The following PDE1C variants were observed in gnomAD, a reference collection of about 807,000 sequenced individuals.
PDE1C encodes phosphodiesterase 1C.
In PDE1C, 62 loss-of-function variants were observed where a neutral mutation model predicts 93.1. That is an observed-to-expected ratio of 0.67 (90% CI 0.54 to 0.82). The LOEUF (loss-of-function observed/expected upper bound fraction) is 0.82. Ranked by LOEUF, PDE1C falls within the 40% of genes least tolerant of loss-of-function variation. The pLI is 0.00. For synonymous variants in PDE1C, 325 were observed against 310.1 expected, an observed-to-expected ratio of 1.05 and a Z score of -0.50; for missense variants, 742 against 884.6, an observed-to-expected ratio of 0.84 and a Z score of 2.04.
chr7:31,794,085 C>T (rs71532997), intron 16 of PDE1C, among the ~76,000 whole-genome samples: 34,705 of 132,110 alleles, frequency 0.26, 4,842 homozygotes, highest in South Asian at 0.38. Context: ...GACAGACAGA[C>T]AGACAGATAG....
chr7:31,694,480 G>T, the PDE1C span, among the ~76,000 whole-genome samples: 64 of 151,792 alleles, frequency 4.2e-4, no homozygotes, highest in African/African-American at 1.4e-3. Flanking sequence ...AGAAATGAAG[G>T]TGCAAGTTCT....
chr7:32,025,650 C>T (rs6942918), intron 2 of PDE1C, among the ~76,000 whole-genome samples: 4,808 of 152,156 alleles, frequency 0.032, 262 homozygotes, highest in African/African-American at 0.11. Context: ...CTAGGTTTGC[C>T]ATGGTCAGGA....
intron 2 of PDE1C, among the ~76,000 whole-genome samples, chr7:32,015,532 C>T (rs1348023742): frequency 6.6e-6 from 1 of 151,934 alleles, no homozygotes; most frequent in Non-Finnish European, 1.5e-5. Context: ...CTGCCCCCCA[C>T]CCCACCCACC....
intron 1 of PDE1C, among the ~76,000 whole-genome samples, chr7:32,410,205 C>T (rs919876560): frequency 3.9e-5 from 6 of 152,108 alleles, no homozygotes; most frequent in South Asian, 2.1e-4. Flanking sequence ...TGGTGACACA[C>T]ACCTGTAGTC....
chr7:32,231,057 T>A (rs1003711405), intron 1 of PDE1C, among the ~76,000 whole-genome samples: 1 of 152,166 alleles, frequency 6.6e-6, no homozygotes, highest in Non-Finnish European at 1.5e-5. Flanking sequence ...CTGGGAAAAT[T>A]TAACCTTTTC....
intron 3 of PDE1C, among the ~76,000 whole-genome samples, chr7:32,094,043 C>T (rs181375592): frequency 2.0e-5 from 3 of 152,238 alleles, no homozygotes. Context: ...GTGAGCCACT[C>T]TGCCTATCAC....
chr7:32,316,497 G>T (rs1376383372), intron 1 of PDE1C, among the ~76,000 whole-genome samples: 5 of 152,088 alleles, frequency 3.3e-5, no homozygotes, highest in African/African-American at 9.7e-5. Context: ...AAAATATTTG[G>T]CATAATCACC....
chr7:32,427,671 A>G (rs1205829160), intron 1 of PDE1C, among the ~76,000 whole-genome samples: 1 of 152,210 alleles, frequency 6.6e-6, no homozygotes, highest in Non-Finnish European at 1.5e-5. Context: ...CCTCCTATTC[A>G]ACCCAGAAAT....
At chr7:31,803,574 T>A (rs1161730369) in intron 16 of PDE1C, among the ~76,000 whole-genome samples, 4 of 151,206 alleles carry the variant, frequency 2.6e-5, no homozygotes, top group African/African-American at 4.9e-5. Context: ...CAGTCCCCGG[T>A]GTGTGATGTT....
At chr7:32,321,771 C>T (rs1304493432) in intron 1 of PDE1C, among the ~76,000 whole-genome samples, 6 of 152,164 alleles carry the variant, frequency 3.9e-5, no homozygotes, top group Admixed American at 6.5e-5. Flanking sequence ...GTTTTTTCTA[C>T]GAATGCTTCC....
intron 3 of PDE1C, among the ~76,000 whole-genome samples, chr7:32,103,111 T>C (rs1420727872): frequency 6.6e-6 from 1 of 152,094 alleles, no homozygotes; most frequent in Non-Finnish European, 1.5e-5. Context: ...GTTCAGAGTT[T>C]TATCACCTCA....
the PDE1C span, among the ~76,000 whole-genome samples, chr7:31,737,839 C>G: frequency 5.4e-5 from 8 of 147,192 alleles, no homozygotes; most frequent in Non-Finnish European, 8.9e-5. Flanking sequence ...TCTGCAATAA[C>G]CATTCAAAAA....
At chr7:31,961,257 TATATAC>T (rs1204459974) in intron 2 of PDE1C, among the ~76,000 whole-genome samples, 4 of 151,320 alleles carry the variant, frequency 2.6e-5, no homozygotes, top group Non-Finnish European at 4.4e-5. Flanking sequence ...TATATATATA[TATATAC>T]ACACACACAG....
chr7:32,414,869 T>C (rs1481770065), intron 1 of PDE1C, among the ~76,000 whole-genome samples: 3 of 151,772 alleles, frequency 2.0e-5, no homozygotes, highest in Non-Finnish European at 4.4e-5. Context: ...AATAAAATTG[T>C]TTTATGGAGT....
At chr7:32,377,100 T>C (rs1048620500) in intron 1 of PDE1C, among the ~76,000 whole-genome samples, 4 of 151,996 alleles carry the variant, frequency 2.6e-5, no homozygotes, top group African/African-American at 9.7e-5. Context: ...CTCCCTCCCT[T>C]GTTCTACTCC....
chr7:31,891,886 TGCTAATA>T (rs1426042017), intron 2 of PDE1C, among the ~76,000 whole-genome samples: 1 of 152,114 alleles, frequency 6.6e-6, no homozygotes. Context: ...TGGTAGATTA[TGCTAATA>T]TCAGTATCTT....
chr7:32,121,385 C>A (rs1584801206), intron 3 of PDE1C, among the ~76,000 whole-genome samples: 1 of 152,024 alleles, frequency 6.6e-6, no homozygotes, highest in Admixed American at 6.5e-5. Flanking sequence ...AGAGACACCA[C>A]CAAGATACTC....
intron 2 of PDE1C, among the ~76,000 whole-genome samples, chr7:31,930,856 A>G (rs1200357168): frequency 1.4e-5 from 2 of 146,740 alleles, no homozygotes; most frequent in African/African-American, 5.1e-5. Flanking sequence ...CTCAAAAAAA[A>G]AAAAAAAAAA....
At chr7:32,387,404 G>A (rs1350185834) in intron 1 of PDE1C, among the ~76,000 whole-genome samples, 1 of 151,626 alleles carries the variant, frequency 6.6e-6, no homozygotes, top group Non-Finnish European at 1.5e-5. Context: ...CCTCCCAGAC[G>A]GGGTCCTGGC....
Sources: allele counts gnomAD v4.1 joint callset (sites outside exome capture counted in the v4.1 genomes callset), GRCh38; gene constraint gnomAD v4.1.1; transcripts MANE v1.5; gene names NCBI Gene and HGNC (gene_info 2026-07-23, HGNC 2026-07-21).